MINDY2: variants seen among roughly 807,000 people sequenced by gnomAD.
The protein encoded by MINDY2 is MINDY lysine 48 deubiquitinase 2.
In MINDY2, 52 loss-of-function variants were observed where a neutral mutation model predicts 68.2. The ratio of observed to expected loss-of-function variants is 0.76; its 90% CI spans 0.61 to 0.96. MINDY2 has a LOEUF of 0.96. MINDY2 is among the 40% of genes least tolerant of loss of function. The pLI, the probability that MINDY2 is intolerant of heterozygous loss-of-function variation, is 0.00. For missense variants in MINDY2, 881 were observed against 773.4 expected (o/e 1.14, Z -1.65); for synonymous variants, 372 against 303.0 (o/e 1.23, Z -2.36).
At chr15:58,776,228 T>C (rs760372162) in intron 1 of MINDY2, among the ~76,000 whole-genome samples, 3 of 152,160 alleles carry the variant, frequency 2.0e-5, no homozygotes, top group Admixed American at 6.5e-5. Flanking sequence ...TAGTGAGCAA[T>C]AGTTCTCAAC....
rs2033063957 is a variant in MINDY2 at position 58,856,406 on chromosome 15, ATTATTC to A, written c.*1798_*1803del. ...AAATAGAGTCTTATTTATGGAAGGA[ATTATTC>A]TAAGGGAAAAATCCAGGGTCAAGCT... On this transcript the variant is annotated 3_prime_UTR_variant, in exon 9 of 9. Transcript: ENST00000559228. 1 of 152,632 alleles carries A rather than the reference ATTATTC, an allele frequency of 6.6e-6. No individual in the cohort carries two copies. The highest frequency in any genetic ancestry group is 1.5e-5 in the Non-Finnish European group (1 of 68,038). 9.5% of individuals were successfully genotyped at this position (152,632 alleles called of 1,614,324 possible). A position where few individuals can be genotyped will look rare whatever the true frequency, so the allele number is the denominator to read the frequency against.
chr15:58,832,198 T>A (rs2031761265), intron 6 of MINDY2, among the ~76,000 whole-genome samples: 1 of 151,584 alleles, frequency 6.6e-6, no homozygotes. Context: ...AAAAAAAAGA[T>A]AAACCCTAGA....
intron 3 of MINDY2, among the ~76,000 whole-genome samples, chr15:58,803,103 A>G (rs1043412310): frequency 3.3e-5 from 5 of 152,218 alleles, no homozygotes; most frequent in Non-Finnish European, 5.9e-5. Flanking sequence ...AAAAGAAAGC[A>G]TAACTCATTT....
chr15:58,825,445 G>C (rs2031332623), intron 5 of MINDY2, among the ~76,000 whole-genome samples: 1 of 151,874 alleles, frequency 6.6e-6, no homozygotes, highest in Admixed American at 6.6e-5. Flanking sequence ...TTTGAATCTG[G>C]TTGTGATGAT....
At chr15:58,792,940 T>C (rs1902039466) in intron 2 of MINDY2, among the ~76,000 whole-genome samples, 1 of 151,914 alleles carries the variant, frequency 6.6e-6, no homozygotes. Flanking sequence ...AGTTTGAGAC[T>C]GCAATGAGCT....
chr15:58,808,794 TG>T (rs2030004904), intron 3 of MINDY2, among the ~76,000 whole-genome samples: 1 of 152,060 alleles, frequency 6.6e-6, no homozygotes. Context: ...TTAGTAGAGA[TG>T]GGGTTTCACC....
intron 1 of MINDY2, among the ~76,000 whole-genome samples, chr15:58,782,644 G>C (rs9744045): frequency 0.21 from 31,296 of 151,954 alleles, 3,770 homozygotes; most frequent in East Asian, 0.52. Context: ...ATTTCATTGA[G>C]TGGAAAGTGT....
intron 1 of MINDY2, among the ~76,000 whole-genome samples, chr15:58,774,461 G>A (rs919556819): frequency 2.1e-5 from 3 of 143,588 alleles, no homozygotes; most frequent in Non-Finnish European, 3.0e-5. Context: ...TCCAGCCTGG[G>A]CAACAAGAGT....
Position 58,859,584 on chromosome 15 carries a change from A to G in MINDY2, c.*4974A>G, listed in dbSNP as rs533013060. ...TGAGAAAACATGAAGAATTGAGGTT[A>G]CTCTTCTCAGGTGACACTTTAAATA... On this transcript the variant is annotated 3_prime_UTR_variant, in exon 9 of 9. Transcript: ENST00000559228. 12 of 152,274 alleles carry G rather than the reference A, an allele frequency of 7.9e-5. No homozygotes were observed. The East Asian group carries it at 1.7e-3, about 22-fold the overall frequency. The allele number at this position is 152,274 out of a possible 1,614,324, so 9.4% of individuals were successfully genotyped here. A position where few individuals can be genotyped will look rare whatever the true frequency, so the allele number is the denominator to read the frequency against.
intron 2 of MINDY2, among the ~76,000 whole-genome samples, chr15:58,797,599 A>C (rs751352727): frequency 2.6e-5 from 4 of 152,160 alleles, no homozygotes; most frequent in Non-Finnish European, 4.4e-5. Context: ...TTTGAGCTCA[A>C]ATTCGTGGCT....
rs73428513 is a variant in MINDY2, at chr15:58,810,544, T to C, written c.1122+156T>C. 9.0e-3 allele frequency among the ~76,000 whole-genome samples: 1,374 copies of C among 152,276 alleles called. 21 individuals carry two copies. Among genetic ancestry groups the C allele is most frequent in the African/African-American group, 0.031 (1,298 of 41,556 alleles). Reference sequence around the variant, plus strand: ...AGGTTAAGAACAGAGTCCTCCAGACTACTAAGTCTGCCCAAGGCTTCTGAC... The same window carrying C: ...AGGTTAAGAACAGAGTCCTCCAGACCACTAAGTCTGCCCAAGGCTTCTGAC... On this transcript the variant is annotated intron_variant, in intron 4 of 8. Transcript: ENST00000559228.
intron 3 of MINDY2, among the ~76,000 whole-genome samples, chr15:58,806,753 C>T (rs1002619160): frequency 8.5e-5 from 13 of 152,076 alleles, no homozygotes; most frequent in Non-Finnish European, 8.8e-5. Context: ...TTAGATTGCT[C>T]ACTGTTGTTA....
At position 58,810,209 on chromosome 15, in the gene MINDY2, T is replaced by G. The variant is rs1182597295; in HGVS notation, c.964-21T>G. ...CGTTTTGATGTTTCTGAATTAGAACTTTCCCCTTTTCTATTTTCAGAATAT... is the reference window on the plus strand; with the variant it reads ...CGTTTTGATGTTTCTGAATTAGAACGTTCCCCTTTTCTATTTTCAGAATAT... On this transcript the variant is annotated intron_variant, in intron 3 of 8. Transcript: ENST00000559228. 5 of 1,582,512 alleles carry G rather than the reference T, an allele frequency of 3.2e-6. No individual in the cohort carries two copies. The African/African-American group carries it at 6.8e-5, about 21-fold the overall frequency.
Position 58,858,782 on chromosome 15 carries a change from G to A in MINDY2, c.*4172G>A, listed in dbSNP as rs2033136105. The A allele has an allele frequency of 6.6e-6, 1 of 152,068 alleles. No individual in the cohort carries two copies. Among genetic ancestry groups the A allele is most frequent in the South Asian group, 2.1e-4 (1 of 4,832 alleles). The allele number at this position is 152,068 out of a possible 1,614,324, so 9.4% of individuals were successfully genotyped here. A position where few individuals can be genotyped will look rare whatever the true frequency, so the allele number is the denominator to read the frequency against. ...TATAATAGTAAAATTACTAATGTTTGATAAAATAAGATGGAGGCATTACAA... is the reference window on the plus strand; with the variant it reads ...TATAATAGTAAAATTACTAATGTTTAATAAAATAAGATGGAGGCATTACAA... On this transcript the variant is annotated 3_prime_UTR_variant, in exon 9 of 9. Coordinates refer to ENST00000559228, the MANE Select transcript of MINDY2 (RefSeq NM_001040450.3).
intron 1 of MINDY2, among the ~76,000 whole-genome samples, chr15:58,786,223 G>A (rs1901487041): frequency 6.6e-6 from 1 of 152,142 alleles, no homozygotes; most frequent in Non-Finnish European, 1.5e-5. Context: ...AACACCTAGA[G>A]GACCTTTTTC....
intron 5 of MINDY2, among the ~76,000 whole-genome samples, chr15:58,831,028 T>TGG: frequency 8.6e-6 from 1 of 116,850 alleles, no homozygotes; most frequent in African/African-American, 4.3e-5. Context: ...TGTGTGTGTG[T>TGG]GTGTGTGTGT....
intron 7 of MINDY2, among the ~76,000 whole-genome samples, chr15:58,849,846 A>G (rs938442302): frequency 6.6e-5 from 10 of 151,998 alleles, no homozygotes; most frequent in Non-Finnish European, 1.0e-4. Flanking sequence ...GGCTCAAGCA[A>G]ACACCTCAGC....
rs369645565 is a variant in MINDY2 at position 58,831,015 on chromosome 15, TTGTGTGTGTG to T, written c.1226-741_1226-732del. Among the ~76,000 whole-genome samples the T allele has an allele frequency of 5.2e-5, 7 of 133,802 alleles. No individual in the cohort carries two copies. In the South Asian group the frequency reaches 9.3e-4, roughly 18 times the overall value. 87.8% of individuals were successfully genotyped at this position (133,802 alleles called of 152,430 possible). A position where few individuals can be genotyped will look rare whatever the true frequency, so the allele number is the denominator to read the frequency against. On this transcript the variant is annotated intron_variant, in intron 5 of 8. Coordinates refer to ENST00000559228, the MANE Select transcript of MINDY2 (RefSeq NM_001040450.3). ...GATCGATTGTGTATATGAAGATCAG[TTGTGTGTGTG>T]TGTGTGTGTGTGTGTGTATATATAT...
chr15:58,773,278 C>T (rs1484696610), intron 1 of MINDY2, among the ~76,000 whole-genome samples: 17 of 152,068 alleles, frequency 1.1e-4, no homozygotes, highest in African/African-American at 4.1e-4. Flanking sequence ...CAGTGAGACC[C>T]TATATTAAAA....
Sources: gnomAD v4.1 joint callset for allele counts (sites outside exome capture counted in the v4.1 genomes callset) on GRCh38, gnomAD v4.1.1 for gene constraint, MANE v1.5 for transcripts, NCBI Gene and HGNC (gene_info 2026-07-23, HGNC 2026-07-21) for gene names.